Variants in GALNT1 observed in about 807,000 individuals in gnomAD.
GALNT1 encodes the protein polypeptide N-acetylgalactosaminyltransferase 1.
A neutral mutation model predicts 65.7 loss-of-function variants in GALNT1; 17 were observed. The observed-to-expected ratio is 0.26, with a 90% CI of 0.18 to 0.39. GALNT1 has a LOEUF of 0.39. GALNT1 is among the 10% of genes least tolerant of loss of function. The pLI is 1.00. For missense variants in GALNT1, 460 were observed against 672.8 expected (o/e 0.68, Z 3.50); for synonymous variants, 210 against 219.7 (o/e 0.96, Z 0.39).
chr18:35,604,511 T>C (rs1044562895), intron 1 of GALNT1, among the ~76,000 whole-genome samples: 19 of 152,232 alleles, frequency 1.2e-4, no homozygotes, highest in African/African-American at 4.6e-4. Context: ...CCACAGTGAC[T>C]GACCTCATTT....
intron 1 of GALNT1, among the ~76,000 whole-genome samples, chr18:35,584,645 C>G (rs370997836): frequency 6.6e-6 from 1 of 152,162 alleles, no homozygotes; most frequent in South Asian, 2.1e-4. Context: ...ACAGTTTTTC[C>G]GTGGACCAGG....
At chr18:35,687,314 A>G in intron 6 of GALNT1, 128 bp downstream of exon 6, 1 of 753,328 alleles carries the variant, frequency 1.3e-6, no homozygotes, top group Non-Finnish European at 2.0e-6. Flanking sequence ...ATGGTAGTTA[A>G]CAGCCATCTT....
At chr18:35,697,606 T>C (rs933980224) in intron 9 of GALNT1, among the ~76,000 whole-genome samples, 1 of 152,234 alleles carries the variant, frequency 6.6e-6, no homozygotes, top group African/African-American at 2.4e-5. Context: ...TTGTGGTTTT[T>C]GGAATCACAG....
chr18:35,650,785 CT>C (rs1223606492), intron 1 of GALNT1, among the ~76,000 whole-genome samples: 2 of 152,088 alleles, frequency 1.3e-5, no homozygotes, highest in Admixed American at 6.6e-5. Context: ...TTACTCTGTT[CT>C]TTTTTCAAGG....
intron 1 of GALNT1, among the ~76,000 whole-genome samples, chr18:35,652,838 T>A (rs188395713): frequency 6.6e-6 from 1 of 152,348 alleles, no homozygotes; most frequent in Non-Finnish European, 1.5e-5. Flanking sequence ...TAGAAGTAGA[T>A]GAAAAGTTAT....
intron 1 of GALNT1, among the ~76,000 whole-genome samples, chr18:35,592,399 T>C (rs1170649809): frequency 6.6e-6 from 1 of 152,112 alleles, no homozygotes; most frequent in African/African-American, 2.4e-5. Flanking sequence ...ACAAAGAGTA[T>C]GGGCAAGAGG....
chr18:35,704,569 A>G (rs1453017559), intron 11 of GALNT1, among the ~76,000 whole-genome samples: 1 of 151,926 alleles, frequency 6.6e-6, no homozygotes, highest in Non-Finnish European at 1.5e-5. Context: ...CAGTCTCTCA[A>G]AGTGCTGGGA....
At chr18:35,667,943 C>A (rs1329591103) in intron 3 of GALNT1, among the ~76,000 whole-genome samples, 28 of 152,174 alleles carry the variant, frequency 1.8e-4, no homozygotes, top group Admixed American at 1.8e-3. Context: ...TCTACTTTCC[C>A]TTTTTGTAGC....
At chr18:35,582,880 G>A (rs979262102) in intron 1 of GALNT1, among the ~76,000 whole-genome samples, 29 of 152,118 alleles carry the variant, frequency 1.9e-4, no homozygotes, top group African/African-American at 7.0e-4. Context: ...GTCCAGCGTG[G>A]GAGCCACTAA....
At chr18:35,686,244 G>T (rs1201918529) in intron 5 of GALNT1, among the ~76,000 whole-genome samples, 1 of 152,164 alleles carries the variant, frequency 6.6e-6, no homozygotes. Context: ...AAATGGATAG[G>T]AAAGTCAATA....
Position 35,663,663 on chromosome 18 carries a change from G to T in GALNT1, c.175G>T (p.Gly59Ter). The change falls in exon 3 of 12, where the codon GGA (glycine) becomes TGA (stop). Residue 59 changes from glycine (G) to a stop codon, truncating the protein, a stop_gained. Transcript: ENST00000269195. LOFTEE classifies it high-confidence loss of function. ...EPVQKPHEGP[G>*]EMGKPVVIPK... ...AGTACAAAAGCCTCATGAAGGTCCT[G>T]GAGAAATGGGGAAACCAGTCGTCAT... The T allele has an allele frequency of 6.2e-7, 1 of 1,613,856 alleles. No homozygotes were observed. Among genetic ancestry groups the T allele is most frequent in the South Asian group, 1.1e-5 (1 of 91,058 alleles).
chr18:35,628,454 C>A (rs2046952036), intron 1 of GALNT1, among the ~76,000 whole-genome samples: 1 of 152,218 alleles, frequency 6.6e-6, no homozygotes, highest in African/African-American at 2.4e-5. Flanking sequence ...CCCAGGCAAA[C>A]AGGGTCTGGA....
intron 1 of GALNT1, among the ~76,000 whole-genome samples, chr18:35,650,008 AGAGTGG>A (rs1392100670): frequency 6.6e-6 from 1 of 152,156 alleles, no homozygotes; most frequent in Admixed American, 6.5e-5. Flanking sequence ...TCCTCTTAGA[AGAGTGG>A]GCAGTTGCTC....
upstream of GALNT1, chr18:35,581,398 G>C (rs1210356371): frequency 6.7e-6 from 1 of 148,952 alleles, no homozygotes; most frequent in African/African-American, 2.4e-5. Context: ...GCGGCCCCGC[G>C]GTGGGCTCGC....
chr18:35,633,676 T>G (rs939402450), intron 1 of GALNT1, among the ~76,000 whole-genome samples: 1 of 152,096 alleles, frequency 6.6e-6, no homozygotes, highest in Admixed American at 6.5e-5. Context: ...ATGTGTACCC[T>G]CGAACCTAAA....
chr18:35,685,721 A>G (rs1189029387), intron 5 of GALNT1, among the ~76,000 whole-genome samples: 1 of 152,244 alleles, frequency 6.6e-6, no homozygotes, highest in Non-Finnish European at 1.5e-5. Context: ...ATCTATACAT[A>G]AAATAATAGA....
chr18:35,619,824 G>C (rs1188379552), intron 1 of GALNT1, among the ~76,000 whole-genome samples: 1 of 152,196 alleles, frequency 6.6e-6, no homozygotes, highest in Non-Finnish European at 1.5e-5. Flanking sequence ...ACAGTTGTTT[G>C]TGGGTAACAT....
At position 35,650,186 on chromosome 18, in the gene GALNT1, A is replaced by G. The variant is rs1383645807; in HGVS notation, c.-103-4374A>G. 2.6e-5 allele frequency among the ~76,000 whole-genome samples: 4 copies of G among 152,202 alleles called. No homozygotes were observed. The East Asian group carries it at 5.8e-4, about 22-fold the overall frequency. On this transcript the variant is annotated intron_variant, in intron 1 of 11. Transcript: ENST00000269195. Reference sequence around the variant, plus strand: ...GGAGAGAGTACAAAAGAGAAATTTTAAAGCTGGGAGTCTGGGGGAGACATC... The same window carrying G: ...GGAGAGAGTACAAAAGAGAAATTTTGAAGCTGGGAGTCTGGGGGAGACATC...
intron 1 of GALNT1, among the ~76,000 whole-genome samples, chr18:35,631,569 A>G (rs944614858): frequency 1.3e-5 from 2 of 152,172 alleles, no homozygotes; most frequent in Non-Finnish European, 2.9e-5. Context: ...AAATAATAAG[A>G]GCTATCTATG....
Sources: allele counts gnomAD v4.1 joint callset (sites outside exome capture counted in the v4.1 genomes callset), GRCh38; gene constraint gnomAD v4.1.1; transcripts MANE v1.5; gene names NCBI Gene and HGNC (gene_info 2026-07-23, HGNC 2026-07-21).